The following ADGRV1 variants were observed in gnomAD, a reference collection of about 807,000 sequenced individuals.
ADGRV1 encodes G-protein coupled receptor 98.
ADGRV1 carries 359 observed loss-of-function variants against 596.2 expected under a neutral mutation model. The observed-to-expected ratio is 0.60, with a 90% CI of 0.55 to 0.66. The LOEUF is 0.66. Ranked by LOEUF, ADGRV1 falls within the 30% of genes least tolerant of loss-of-function variation. ADGRV1 has a pLI of 0.00. For missense variants in ADGRV1, 7,274 were observed against 7,575.6 expected (o/e 0.96, Z 1.48); for synonymous variants, 2,681 against 2,679.2 (o/e 1.00, Z -0.02).
chr5:90,630,330 T>C (rs1765341330), intron 9 of ADGRV1: 1 of 152,320 alleles, frequency 6.6e-6, no homozygotes, highest in East Asian at 1.9e-4. Flanking sequence ...TTTTAAATAA[T>C]ATACTCAAAA....
intron 22 of ADGRV1, among the ~76,000 whole-genome samples, chr5:90,673,135 C>T (rs1772718953): frequency 1.3e-5 from 2 of 152,086 alleles, no homozygotes; most frequent in Non-Finnish European, 2.9e-5. Flanking sequence ...TCAGTTATTC[C>T]TATTCCTTTT....
intron 83 of ADGRV1, among the ~76,000 whole-genome samples, chr5:90,872,601 T>G (rs2150504206): frequency 6.6e-6 from 1 of 152,300 alleles, no homozygotes; most frequent in South Asian, 2.1e-4. Flanking sequence ...AGGACGATGA[T>G]AAACACTTGA....
At chr5:91,018,187 T>G (rs1783331009) in intron 85 of ADGRV1, among the ~76,000 whole-genome samples, 1 of 151,970 alleles carries the variant, frequency 6.6e-6, no homozygotes, top group Admixed American at 6.6e-5. Flanking sequence ...CTTCTGACCT[T>G]GTCTGTTCTG....
chr5:90,847,659 C>T (rs977638289), intron 78 of ADGRV1, among the ~76,000 whole-genome samples: 1 of 152,188 alleles, frequency 6.6e-6, no homozygotes, highest in Non-Finnish European at 1.5e-5. Flanking sequence ...CGAGCCCTGC[C>T]CCGCAGGGAG....
chr5:90,966,425 G>T (rs1778464289), intron 84 of ADGRV1, among the ~76,000 whole-genome samples: 1 of 151,566 alleles, frequency 6.6e-6, no homozygotes, highest in African/African-American at 2.4e-5. Flanking sequence ...CCAGCTACTA[G>T]GGAGGCTGAG....
intron 1 of ADGRV1, among the ~76,000 whole-genome samples, chr5:90,595,018 T>C (rs1341594010): frequency 7.9e-5 from 11 of 138,738 alleles, no homozygotes; most frequent in East Asian, 2.1e-4. Flanking sequence ...CCAGACGGGG[T>C]GGTGGCCGGG....
At chr5:90,673,936 A>G (rs1386385900) in intron 22 of ADGRV1, 118 bp from the exon 23 acceptor site, 5 of 669,452 alleles carry the variant, frequency 7.5e-6, no homozygotes, top group Non-Finnish European at 1.3e-5. Context: ...TTTATGCAGA[A>G]ATAAGTCGTA....
At chr5:91,151,533 A>G (rs891434240) in intron 88 of ADGRV1, among the ~76,000 whole-genome samples, 1 of 152,220 alleles carries the variant, frequency 6.6e-6, no homozygotes, top group African/African-American at 2.4e-5. Context: ...TTCTTAAAAT[A>G]GACTTATTTC....
chr5:90,572,586 C>G (rs1167319528), intron 1 of ADGRV1, among the ~76,000 whole-genome samples: 1 of 152,184 alleles, frequency 6.6e-6, no homozygotes. Context: ...GGGGAAAAGA[C>G]TGTCTATTCA....
chr5:90,916,631 A>ATTTTTTTT lies in ADGRV1; in HGVS notation c.17857-48772_17857-48765dup, dbSNP rs11407284. ...TTCCTTGTTTCTTCAGCGTTCACAAATTTTTTTTTTTTTTTTTTTGAGACG... is the reference window on the plus strand; with the variant it reads ...TTCCTTGTTTCTTCAGCGTTCACAAATTTTTTTTTTTTTTTTTTTTTTTTTTTGAGACG... On this transcript the variant is annotated intron_variant, in intron 83 of 89. Coordinates refer to ENST00000405460, the MANE Select transcript of ADGRV1 (RefSeq NM_032119.4). Among the ~76,000 whole-genome samples the ATTTTTTTT allele has an allele frequency of 1.7e-4, 21 of 124,676 alleles. 1 individual carries two copies. Among genetic ancestry groups the ATTTTTTTT allele is most frequent in the Non-Finnish European group, 2.1e-4 (13 of 62,194 alleles). The allele number at this position is 124,676 out of a possible 152,430, so 81.8% of individuals were successfully genotyped here.
chr5:90,854,165 C>T lies in ADGRV1; in HGVS notation c.17558C>T (p.Thr5853Ile). ...GCTGAGCCTAGAATTATTCCTCAGA[C>T]ATCTCTGTGTCTCCTTTGGAATCAG... The part of the protein sequence containing the change: ...YAAEPRIIPQ[T>I]SLCLLWNQAA... The change falls in exon 81 of 90, where the codon ACA becomes ATA. Residue 5853 changes from threonine (T) to isoleucine (I), a missense_variant. Coordinates refer to ENST00000405460, the MANE Select transcript of ADGRV1 (RefSeq NM_032119.4). The T allele has an allele frequency of 1.9e-6, 3 of 1,555,844 alleles. No individual in the cohort carries two copies. The highest frequency in any genetic ancestry group is 2.4e-5 in the South Asian group (2 of 84,242).
intron 86 of ADGRV1, among the ~76,000 whole-genome samples, chr5:91,074,097 A>G (rs1017537386): frequency 6.6e-6 from 1 of 152,268 alleles, no homozygotes; most frequent in African/African-American, 2.4e-5. Context: ...GAAGTTATCT[A>G]GAAGCTATGC....
intron 52 of ADGRV1, among the ~76,000 whole-genome samples, chr5:90,747,832 G>A (rs1030369844): frequency 1.3e-5 from 2 of 152,166 alleles, no homozygotes; most frequent in Non-Finnish European, 2.9e-5. Flanking sequence ...GCCGACCTGT[G>A]AACAAGCCTT....
chr5:90,625,935 G>A (rs1764700092), intron 6 of ADGRV1: 1 of 152,100 alleles, frequency 6.6e-6, no homozygotes, highest in Non-Finnish European at 1.5e-5. Flanking sequence ...TTTATGGGAA[G>A]ATTTTTATTA....
chr5:91,052,056 C>T (rs2151310815), intron 85 of ADGRV1, among the ~76,000 whole-genome samples: 1 of 152,240 alleles, frequency 6.6e-6, no homozygotes, highest in African/African-American at 2.4e-5. Flanking sequence ...ACAGCCAAAA[C>T]TAGAGAACAA....
Position 90,854,092 on chromosome 5 carries a change from T to TCA in ADGRV1, c.17488_17489dup (p.Gln5830HisfsTer4), listed in dbSNP as rs1488828484. 1.9e-6 allele frequency: 3 copies of TCA among 1,585,884 alleles called. No homozygotes were observed. The highest frequency in any genetic ancestry group is 1.3e-5 in the African/African-American group (1 of 74,558). Reference sequence around the variant, plus strand: ...ATCTTTGAGTGTGAAAGGTCAGAGTTCACAACTCCTGACTAATGACAATGA... The same window carrying TCA: ...ATCTTTGAGTGTGAAAGGTCAGAGTTCACACAACTCCTGACTAATGACAATGA... On this transcript the variant is annotated frameshift_variant, in exon 81 of 90. Coordinates refer to ENST00000405460, the MANE Select transcript of ADGRV1 (RefSeq NM_032119.4). LOFTEE classifies it high-confidence loss of function.
At chr5:91,077,882 C>T (rs1451145291) in intron 86 of ADGRV1, among the ~76,000 whole-genome samples, 1 of 152,192 alleles carries the variant, frequency 6.6e-6, no homozygotes, top group African/African-American at 2.4e-5. Flanking sequence ...AATTTACTGA[C>T]TCCTTTCTGA....
At chr5:90,904,538 C>T (rs1465233681) in intron 83 of ADGRV1, among the ~76,000 whole-genome samples, 1 of 151,912 alleles carries the variant, frequency 6.6e-6, no homozygotes, top group Non-Finnish European at 1.5e-5. Context: ...TTTTCATATG[C>T]CTGTTCACCA....
rs183672953 is a variant in ADGRV1 at position 90,714,863 on chromosome 5, A to C, written c.9185-1604A>C. The stretch of plus-strand genomic sequence containing the variant: ...TTTATTTATCATAGCCTTGAAGTAC[A>C]TTTTGCTAGTTTTTCAGGCCAAATA... On this transcript the variant is annotated intron_variant, in intron 42 of 89. Transcript: ENST00000405460. Among the ~76,000 whole-genome samples, 340 of 152,130 alleles carry C rather than the reference A, an allele frequency of 2.2e-3. 1 individual carries two copies. Among genetic ancestry groups the C allele is most frequent in the African/African-American group, 7.2e-3 (298 of 41,516 alleles).
Sources: gnomAD v4.1 joint callset for allele counts (sites outside exome capture counted in the v4.1 genomes callset) on GRCh38, gnomAD v4.1.1 for gene constraint, MANE v1.5 for transcripts, NCBI Gene and HGNC (gene_info 2026-07-23, HGNC 2026-07-21) for gene names.